JAK2: variants seen among roughly 807,000 people sequenced by gnomAD.
The protein encoded by JAK2 is tyrosine-protein kinase JAK2.
Under a neutral mutation model 139.3 loss-of-function variants are expected in JAK2, and 86 were observed. The observed-to-expected ratio is 0.62, with a 90% CI of 0.52 to 0.74. JAK2 has a LOEUF of 0.74. Among genes scored for constraint, JAK2 ranks in the 30% least tolerant of loss-of-function variants. The pLI is 0.00. For synonymous variants in JAK2, 490 were observed against 437.7 expected, an observed-to-expected ratio of 1.12 and a Z score of -1.49; for missense variants, 1,421 against 1,360.3, an observed-to-expected ratio of 1.04 and a Z score of -0.70.
At chr9:5,029,954 G>C (rs1358813205) in intron 4 of JAK2, 48 bp downstream of exon 4, 14 of 1,496,218 alleles carry the variant, frequency 9.4e-6, no homozygotes, top group Non-Finnish European at 1.3e-5. Context: ...AGGCAAAATG[G>C]GAGAAATTAT....
intron 7 of JAK2, among the ~76,000 whole-genome samples, chr9:5,055,377 C>T (rs1367384877): frequency 6.6e-6 from 1 of 151,876 alleles, no homozygotes; most frequent in Non-Finnish European, 1.5e-5. Flanking sequence ...CTTTGGTAGT[C>T]ACATTTCCAG....
At chr9:5,090,419 A>T (rs772080021) in intron 20 of JAK2, 27 bp from the exon 21 acceptor site, 1 of 1,483,778 alleles carries the variant, frequency 6.7e-7, no homozygotes, top group African/African-American at 1.4e-5. Flanking sequence ...GCAGAGTAAA[A>T]CATTATTTCC....
chr9:5,122,142 G>A lies in JAK2; in HGVS notation c.3060-862G>A, dbSNP rs184736855. On this transcript the variant is annotated intron_variant, in intron 22 of 24. Transcript: ENST00000381652. ...TTGTGGAGATTAGGAAACTTAAATG[G>A]GATTTTGAAGGAGAGATTAAATCTA... Among the ~76,000 whole-genome samples the A allele has an allele frequency of 3.8e-3, 585 of 152,144 alleles. 3 individuals carry two copies. Among genetic ancestry groups the A allele is most frequent in the African/African-American group, 0.013 (558 of 41,528 alleles).
chr9:5,035,408 A>C (rs1300824461), intron 4 of JAK2, among the ~76,000 whole-genome samples: 1 of 152,212 alleles, frequency 6.6e-6, no homozygotes, highest in Non-Finnish European at 1.5e-5. Context: ...CCTGATACCA[A>C]AGCCTGGCAG....
At position 5,104,316 on chromosome 9, in the gene JAK2, G is replaced by T. The variant is rs186964609; in HGVS notation, c.3059+13405G>T. 2.4e-4 allele frequency among the ~76,000 whole-genome samples: 37 copies of T among 152,298 alleles called. No homozygotes were observed. In the East Asian group the frequency reaches 6.7e-3, roughly 28 times the overall value. ...CACAAATAAACTAGAAAATCTAGAAGAAATGGATAAATTCCTGGACACATA... is the reference window on the plus strand; with the variant it reads ...CACAAATAAACTAGAAAATCTAGAATAAATGGATAAATTCCTGGACACATA... On this transcript the variant is annotated intron_variant, in intron 22 of 24. Coordinates refer to ENST00000381652, the MANE Select transcript of JAK2 (RefSeq NM_004972.4).
chr9:5,085,759 CAT>C, intron 19 of JAK2: 1 of 754,886 alleles, frequency 1.3e-6, no homozygotes, highest in South Asian at 1.4e-5. Flanking sequence ...CTAGCTTGCA[CAT>C]GTCGGGAGTT....
At chr9:5,046,631 G>C (rs765148590) in intron 5 of JAK2, among the ~76,000 whole-genome samples, 4 of 152,102 alleles carry the variant, frequency 2.6e-5, no homozygotes, top group Admixed American at 1.3e-4. Flanking sequence ...AGTTTTCCTA[G>C]CACCATTTGT....
intron 22 of JAK2, chr9:5,094,705 A>G (rs372669186): frequency 4.6e-5 from 7 of 152,282 alleles, no homozygotes; most frequent in African/African-American, 1.2e-4. Flanking sequence ...TCAGGCTTCA[A>G]TGTCGAATAT....
At chr9:5,085,960 T>C in intron 19 of JAK2, 1 of 1,120,778 alleles carries the variant, frequency 8.9e-7, no homozygotes, top group Admixed American at 1.7e-5. Context: ...TCGGTGTATT[T>C]CTCACCACTG....
At chr9:5,064,111 G>A (rs565466665) in intron 8 of JAK2, among the ~76,000 whole-genome samples, 25 of 152,256 alleles carry the variant, frequency 1.6e-4, no homozygotes, top group Non-Finnish European at 3.2e-4. Flanking sequence ...AGCCAAGATC[G>A]CGCCATTGCA....
chr9:5,104,840 C>G (rs1821822848), intron 22 of JAK2, among the ~76,000 whole-genome samples: 1 of 152,156 alleles, frequency 6.6e-6, no homozygotes, highest in Non-Finnish European at 1.5e-5. Context: ...CACAAAAGGT[C>G]TTTGACAAAA....
At chr9:5,033,435 T>C (rs977951091) in intron 4 of JAK2, among the ~76,000 whole-genome samples, 2 of 152,074 alleles carry the variant, frequency 1.3e-5, no homozygotes, top group East Asian at 3.8e-4. Flanking sequence ...ACACACATAA[T>C]TGTCAGATTC....
At chr9:5,002,936 T>TC (rs1821013660) in intron 2 of JAK2, among the ~76,000 whole-genome samples, 3 of 152,116 alleles carry the variant, frequency 2.0e-5, no homozygotes, top group East Asian at 3.9e-4. Context: ...GAAGTTAAGG[T>TC]TATTTTTTGC....
intron 2 of JAK2, among the ~76,000 whole-genome samples, chr9:5,020,479 C>A (rs920564577): frequency 6.6e-6 from 1 of 152,054 alleles, no homozygotes; most frequent in Non-Finnish European, 1.5e-5. Context: ...GTGGAATGTT[C>A]AGGTGGGGGC....
chr9:5,097,550 T>C (rs1390092487), intron 22 of JAK2: 7 of 152,202 alleles, frequency 4.6e-5, no homozygotes, highest in African/African-American at 9.7e-5. Flanking sequence ...GGAACAGACA[T>C]AGACACAGAC....
At chr9:5,039,624 A>C (rs1047332909) in intron 4 of JAK2, among the ~76,000 whole-genome samples, 4 of 152,146 alleles carry the variant, frequency 2.6e-5, no homozygotes, top group African/African-American at 9.7e-5. Flanking sequence ...AGAACTAATA[A>C]ATGAGCTCAG....
chr9:4,988,588 G>C (rs1487420805), intron 2 of JAK2, among the ~76,000 whole-genome samples: 1 of 152,172 alleles, frequency 6.6e-6, no homozygotes, highest in Non-Finnish European at 1.5e-5. Context: ...TTGCTTTTCT[G>C]ATAAAATTAT....
intron 22 of JAK2, chr9:5,097,820 T>G (rs1821125418): frequency 6.6e-6 from 1 of 152,222 alleles, no homozygotes; most frequent in Non-Finnish European, 1.5e-5. Context: ...GGAGCGGTGT[T>G]CGCCATCATA....
At chr9:5,074,300 A>G (rs1186004078) in intron 14 of JAK2, among the ~76,000 whole-genome samples, 1 of 152,054 alleles carries the variant, frequency 6.6e-6, no homozygotes, top group Non-Finnish European at 1.5e-5. Context: ...GCCTCATTTT[A>G]TTGCACCTTG....
Sources: gnomAD v4.1 joint callset for allele counts (sites outside exome capture counted in the v4.1 genomes callset) on GRCh38, gnomAD v4.1.1 for gene constraint, MANE v1.5 for transcripts, NCBI Gene and HGNC (gene_info 2026-07-23, HGNC 2026-07-21) for gene names.